Variants in TNIK observed in about 807,000 individuals in gnomAD.
TNIK encodes the protein TRAF2 and NCK interacting kinase, also known as TRAF2 and NCK-interacting protein kinase.
TNIK carries 49 observed loss-of-function variants against 191.3 expected under a neutral mutation model. That is an observed-to-expected ratio of 0.26 (90% confidence interval 0.20 to 0.32). The LOEUF (loss-of-function observed/expected upper bound fraction) is 0.32, where lower values mean the gene tolerates loss of function less well. Ranked by LOEUF, TNIK falls within the 10% of genes least tolerant of loss-of-function variation. The pLI, the probability that TNIK is intolerant of heterozygous loss-of-function variation, is 1.00. For synonymous variants in TNIK, 594 were observed against 600.9 expected (o/e 0.99, Z 0.17); for missense variants, 1,155 against 1,702.3 (o/e 0.68, Z 5.66).
intron 1 of TNIK, among the ~76,000 whole-genome samples, chr3:171,409,684 C>T (rs186614219): frequency 6.6e-6 from 1 of 150,750 alleles, no homozygotes; most frequent in African/African-American, 2.4e-5. Context: ...GGAATGAAAC[C>T]TCATTCCCGT....
chr3:171,353,909 C>T (rs1265178958), intron 2 of TNIK, among the ~76,000 whole-genome samples: 1 of 152,132 alleles, frequency 6.6e-6, no homozygotes, highest in Admixed American at 6.5e-5. Flanking sequence ...TCTATGATTT[C>T]TTAAAATGTT....
chr3:171,347,180 T>TG (rs1254556913), intron 2 of TNIK: 2 of 1,528,722 alleles, frequency 1.3e-6, no homozygotes, highest in African/African-American at 2.8e-5. Context: ...AGTTGGTTCT[T>TG]GGAGTTGTGA....
intron 1 of TNIK, among the ~76,000 whole-genome samples, chr3:171,397,160 T>C (rs1720358023): frequency 6.6e-6 from 1 of 152,280 alleles, no homozygotes; most frequent in Non-Finnish European, 1.5e-5. Context: ...CAAATCACTT[T>C]TGGTCTGATG....
intron 9 of TNIK, among the ~76,000 whole-genome samples, chr3:171,173,927 G>T (rs943582366): frequency 6.6e-6 from 1 of 152,164 alleles, no homozygotes; most frequent in Non-Finnish European, 1.5e-5. Flanking sequence ...AAGAGAGGAA[G>T]CAGGGTGTTG....
At chr3:171,312,357 T>C (rs1183944303) in intron 2 of TNIK, among the ~76,000 whole-genome samples, 1 of 152,050 alleles carries the variant, frequency 6.6e-6, no homozygotes, top group African/African-American at 2.4e-5. Context: ...TATGTAACTA[T>C]ATGTAGTATA....
intron 2 of TNIK, among the ~76,000 whole-genome samples, chr3:171,333,097 G>A (rs1756570805): frequency 6.6e-6 from 1 of 152,098 alleles, no homozygotes; most frequent in Non-Finnish European, 1.5e-5. Context: ...CCCAGTTGAT[G>A]GCCTTCGAAC....
At chr3:171,369,049 T>C (rs569552113) in intron 2 of TNIK, among the ~76,000 whole-genome samples, 2 of 152,232 alleles carry the variant, frequency 1.3e-5, no homozygotes, top group East Asian at 1.9e-4. Context: ...TTTGAGTGAA[T>C]TTGTAAGCAG....
At chr3:171,248,514 G>A (rs1332551612) in intron 2 of TNIK, among the ~76,000 whole-genome samples, 1 of 152,194 alleles carries the variant, frequency 6.6e-6, no homozygotes, top group African/African-American at 2.4e-5. Flanking sequence ...CCCAAGGCTG[G>A]AGAGACAAGT....
At chr3:171,064,240 A>G (rs577867599) in intron 32 of TNIK, among the ~76,000 whole-genome samples, 1 of 152,296 alleles carries the variant, frequency 6.6e-6, no homozygotes, top group East Asian at 1.9e-4. Flanking sequence ...TTGGGTGTTC[A>G]CTTTTTAAAA....
intron 2 of TNIK, among the ~76,000 whole-genome samples, chr3:171,293,008 A>C (rs35686580): frequency 6.6e-6 from 1 of 152,062 alleles, no homozygotes; most frequent in South Asian, 2.1e-4. Context: ...TCACCCCACT[A>C]AAGTCCTTTT....
At chr3:171,244,312 A>G (rs1303038159) in intron 2 of TNIK, among the ~76,000 whole-genome samples, 1 of 151,898 alleles carries the variant, frequency 6.6e-6, no homozygotes, top group African/African-American at 2.4e-5. Context: ...TGATCCACCC[A>G]CCTCGGCCTC....
chr3:171,093,859 C>G lies in TNIK; in HGVS notation c.2701G>C (p.Gly901Arg). 1 of 1,613,754 alleles carries G rather than the reference C, an allele frequency of 6.2e-7. No individual in the cohort carries two copies. Among genetic ancestry groups the G allele is most frequent in the Non-Finnish European group, 8.5e-7 (1 of 1,179,772 alleles). Residue 901 changes from glycine to arginine, a missense_variant, in exon 23 of 33, where the codon GGA becomes CGA. Coordinates refer to ENST00000436636, the MANE Select transcript of TNIK (RefSeq NM_015028.4). ...CTTACCTCTCTAATCATCAAGGTTC[C>G]TTCTCTTGAAATACTGCCGCTGAAA... ...DSFSGSISREGTLMIRETSGE... is the reference protein window; with the variant it reads ...DSFSGSISRERTLMIRETSGE...
At chr3:171,245,269 T>A (rs373496396) in intron 2 of TNIK, among the ~76,000 whole-genome samples, 4 of 152,222 alleles carry the variant, frequency 2.6e-5, no homozygotes, top group African/African-American at 9.6e-5. Flanking sequence ...TAAATCAAAG[T>A]TAGAGAATTT....
chr3:171,073,845 C>CAAA (rs562403849), intron 28 of TNIK, among the ~76,000 whole-genome samples: 6 of 97,892 alleles, frequency 6.1e-5, no homozygotes, highest in African/African-American at 1.9e-4. Context: ...ACTAAAAGGT[C>CAAA]AAAAAAAAAA....
intron 2 of TNIK, among the ~76,000 whole-genome samples, chr3:171,232,133 T>C (rs1359277677): frequency 2.6e-5 from 4 of 152,136 alleles, no homozygotes; most frequent in African/African-American, 9.7e-5. Flanking sequence ...CTAATTTATT[T>C]TTCCTTATAA....
rs554116082 is a variant in TNIK, at chr3:171,378,917, T to C, written c.58-9232A>G. On this transcript the variant is annotated intron_variant, in intron 1 of 32. Transcript: ENST00000436636. Reference sequence around the variant, plus strand: ...TTTGACTTCTAGTTTTTCCTTCTGTTTGATTTCACCCTTTAGTAAACCGAT... The same window carrying C: ...TTTGACTTCTAGTTTTTCCTTCTGTCTGATTTCACCCTTTAGTAAACCGAT... Among the ~76,000 whole-genome samples, 3 of 152,330 alleles carry C rather than the reference T, an allele frequency of 2.0e-5. No individual in the cohort carries two copies. The South Asian group carries it at 6.2e-4, about 32-fold the overall frequency.
intron 1 of TNIK, among the ~76,000 whole-genome samples, chr3:171,428,736 C>G (rs1463753552): frequency 1.5e-5 from 2 of 130,560 alleles, no homozygotes; most frequent in Non-Finnish European, 3.7e-5. Context: ...TTGGCACTGC[C>G]CATTATTACC....
intron 1 of TNIK, among the ~76,000 whole-genome samples, chr3:171,395,793 T>C (rs532989784): frequency 3.3e-5 from 5 of 152,136 alleles, no homozygotes; most frequent in Non-Finnish European, 5.9e-5. Context: ...CCACCCTGCT[T>C]AGGAAACTTA....
intron 7 of TNIK, among the ~76,000 whole-genome samples, chr3:171,183,790 G>C (rs375689152): frequency 6.6e-6 from 1 of 151,826 alleles, no homozygotes; most frequent in East Asian, 2.0e-4. Flanking sequence ...GCGTGGTGGC[G>C]GGCGCCTGTA....
Sources: gnomAD v4.1 joint callset for allele counts (sites outside exome capture counted in the v4.1 genomes callset) on GRCh38, gnomAD v4.1.1 for gene constraint, MANE v1.5 for transcripts, NCBI Gene and HGNC (gene_info 2026-07-23, HGNC 2026-07-21) for gene names.